DYTN: variants seen among roughly 807,000 people sequenced by gnomAD.
DYTN encodes dystrotelin.
In DYTN, 75 loss-of-function variants were observed where a neutral mutation model predicts 69.6. The ratio of observed to expected loss-of-function variants is 1.08; its 90% CI spans 0.89 to 1.31. The LOEUF (loss-of-function observed/expected upper bound fraction) is 1.31. Among genes scored for constraint, DYTN ranks in the 50% most tolerant of loss-of-function variants. The probability of loss-of-function intolerance (pLI) is 0.00; values close to 1 mark genes in which losing one functional copy is unlikely to be tolerated. For synonymous variants in DYTN, 252 were observed against 249.1 expected, an observed-to-expected ratio of 1.01 and a Z score of -0.11; for missense variants, 726 against 688.4, an observed-to-expected ratio of 1.05 and a Z score of -0.61.
rs1259943711 is a variant in DYTN at position 206,699,942 on chromosome 2, T to C, written c.556-52A>G. ...TGTTTTTAGGCACGACTTGATATTT[T>C]CATTTTCTTTTCTGACTCTAATTCT... On this transcript the variant is annotated intron_variant, in intron 6 of 11. Coordinates refer to ENST00000452335, the MANE Select transcript of DYTN (RefSeq NM_001093730.1). 3 of 1,578,616 alleles carry C rather than the reference T, an allele frequency of 1.9e-6. No individual in the cohort carries two copies. The East Asian group carries it at 6.7e-5, about 35-fold the overall frequency.
chr2:206,672,470 C>T (rs924157766), intron 9 of DYTN, among the ~76,000 whole-genome samples: 17 of 152,264 alleles, frequency 1.1e-4, no homozygotes, highest in African/African-American at 4.1e-4. Context: ...TACATCAGTC[C>T]AGCTCTCTGT....
chr2:206,709,276 T>C (rs372478324), intron 2 of DYTN, among the ~76,000 whole-genome samples: 11 of 152,126 alleles, frequency 7.2e-5, no homozygotes, highest in African/African-American at 2.7e-4. Flanking sequence ...GGCGAAACCC[T>C]GTCTCTACTA....
intron 11 of DYTN, among the ~76,000 whole-genome samples, chr2:206,655,294 G>A (rs1356349326): frequency 1.3e-5 from 2 of 149,206 alleles, no homozygotes; most frequent in Admixed American, 6.7e-5. Context: ...TGCCCAGGCT[G>A]GAGCACAGTG....
intron 11 of DYTN, among the ~76,000 whole-genome samples, chr2:206,657,350 G>C (rs4675620): frequency 0.31 from 46,555 of 151,924 alleles, 8,289 homozygotes; most frequent in African/African-American, 0.49. Flanking sequence ...CTTCAAGCTA[G>C]TAACTGCTTG....
At chr2:206,689,267 T>C (rs980496611) in intron 9 of DYTN, among the ~76,000 whole-genome samples, 15 of 152,352 alleles carry the variant, frequency 9.8e-5, no homozygotes, top group African/African-American at 3.6e-4. Flanking sequence ...TGCTGAATCA[T>C]TGAACGAATT....
chr2:206,659,858 A>G lies in DYTN; in HGVS notation c.1633+3045T>C, dbSNP rs751239125. On this transcript the variant is annotated intron_variant, in intron 11 of 11. Transcript: ENST00000452335. ...CAAAACGGTAGCCATGAAGATTAAT[A>G]TAGTTTCTCATGTTTAAATGCCTTA... Among the ~76,000 whole-genome samples the G allele has an allele frequency of 1.2e-4, 18 of 152,184 alleles. No individual in the cohort carries two copies. In the East Asian group the frequency reaches 3.1e-3, roughly 26 times the overall value.
At chr2:206,675,330 AAT>A (rs927519522) in intron 9 of DYTN, among the ~76,000 whole-genome samples, 3 of 147,938 alleles carry the variant, frequency 2.0e-5, no homozygotes, top group African/African-American at 7.4e-5. Context: ...AATATATTTA[AAT>A]ATATATATTT....
At chr2:206,662,768 C>G (rs1699527057) in intron 11 of DYTN, 135 bp downstream of exon 11, 1 of 1,348,846 alleles carries the variant, frequency 7.4e-7, no homozygotes, top group Admixed American at 2.3e-5. Context: ...AGAGATGCTA[C>G]TGATAACCAA....
chr2:206,663,527 A>T, intron 10 of DYTN, 132 bp from the exon 11 acceptor site: 1 of 940,618 alleles, frequency 1.1e-6, no homozygotes, highest in Non-Finnish European at 1.5e-6. Flanking sequence ...ATATATTATC[A>T]TTACTATTAA....
intron 1 of DYTN, 93 bp downstream of exon 1, chr2:206,718,168 A>G (rs974613393): frequency 1.5e-6 from 2 of 1,344,372 alleles, no homozygotes; most frequent in Non-Finnish European, 2.0e-6. Flanking sequence ...CCAAATGTTT[A>G]CTCTTCTTCA....
intron 9 of DYTN, among the ~76,000 whole-genome samples, chr2:206,677,005 G>A (rs532617303): frequency 3.7e-4 from 57 of 152,262 alleles, no homozygotes; most frequent in Non-Finnish European, 6.0e-4. Context: ...GGAGTGCAGC[G>A]GTGTGATCTA....
intron 9 of DYTN, among the ~76,000 whole-genome samples, chr2:206,680,503 A>T (rs1257337599): frequency 6.6e-6 from 1 of 152,178 alleles, no homozygotes; most frequent in Non-Finnish European, 1.5e-5. Flanking sequence ...CAGACACATT[A>T]TTCTGCTACT....
Position 206,704,943 on chromosome 2 carries a change from G to A in DYTN, c.383C>T (p.Ala128Val). Reference sequence around the variant, plus strand: ...ATTTTCTGCATAGAGTTGAAAAAGAGCTAGACATGTAGGAGGAACAATCTT... The same window carrying A: ...ATTTTCTGCATAGAGTTGAAAAAGAACTAGACATGTAGGAGGAACAATCTT... ...SGDSPLSKYR[A>V]LFQLYAENSR... The change falls in exon 5 of 12, where the codon GCT (alanine) becomes GTT (valine). Residue 128 changes from alanine (A) to valine (V), a missense_variant and splice_region_variant. Coordinates refer to ENST00000452335, the MANE Select transcript of DYTN (RefSeq NM_001093730.1). 1 of 1,612,586 alleles carries A rather than the reference G, an allele frequency of 6.2e-7. No homozygotes were observed. Among genetic ancestry groups the A allele is most frequent in the Non-Finnish European group, 8.5e-7 (1 of 1,178,962 alleles).
chr2:206,677,468 G>A (rs567142217), intron 9 of DYTN, among the ~76,000 whole-genome samples: 1 of 152,120 alleles, frequency 6.6e-6, no homozygotes, highest in East Asian at 1.9e-4. Context: ...CAGGAACCAT[G>A]ATAAAAATTA....
At chr2:206,705,654 A>G in intron 4 of DYTN, 134 bp downstream of exon 4, 1 of 702,422 alleles carries the variant, frequency 1.4e-6, no homozygotes, top group Non-Finnish European at 2.2e-6. Context: ...CAAATAGTAA[A>G]TATTTTTATT....
At chr2:206,666,753 G>A (rs1207985214) in intron 9 of DYTN, among the ~76,000 whole-genome samples, 1 of 151,652 alleles carries the variant, frequency 6.6e-6, no homozygotes, top group Non-Finnish European at 1.5e-5. Context: ...GTGTGTGTGT[G>A]TGTGTGTGTG....
intron 1 of DYTN, 46 bp from the exon 2 acceptor site, chr2:206,710,644 T>C (rs1700071903): frequency 7.0e-7 from 1 of 1,418,836 alleles, no homozygotes; most frequent in Non-Finnish European, 9.6e-7. Context: ...TCTCTCATTA[T>C]ATAAATCCCA....
At chr2:206,658,433 A>C (rs566501678) in intron 11 of DYTN, among the ~76,000 whole-genome samples, 58 of 151,072 alleles carry the variant, frequency 3.8e-4, no homozygotes, top group Non-Finnish European at 6.6e-4. Flanking sequence ...AAAAATAACT[A>C]TCTCTCTTAG....
chr2:206,661,006 G>C (rs149609011), intron 11 of DYTN, among the ~76,000 whole-genome samples: 1,927 of 152,200 alleles, frequency 0.013, 14 homozygotes, highest in Non-Finnish European at 0.021. Flanking sequence ...AGATAATTAA[G>C]TTAAAATGAG....
Sources: allele counts gnomAD v4.1 joint callset (sites outside exome capture counted in the v4.1 genomes callset), GRCh38; gene constraint gnomAD v4.1.1; transcripts MANE v1.5; gene names NCBI Gene and HGNC (gene_info 2026-07-23, HGNC 2026-07-21).